TTN: variants seen among roughly 807,000 people sequenced by gnomAD.
TTN encodes the protein connectin.
Under a neutral mutation model 3,223.0 loss-of-function variants are expected in TTN, and 1,525 were observed. The observed-to-expected ratio is 0.47, with a 90% CI of 0.45 to 0.49. The LOEUF (loss-of-function observed/expected upper bound fraction) is 0.49. Ranked by LOEUF, TTN falls within the 20% of genes least tolerant of loss-of-function variation. The pLI is 0.00. For missense variants in TTN, 40,786 were observed against 43,424.0 expected (o/e 0.94, Z 5.40); for synonymous variants, 14,094 against 15,161.0 (o/e 0.93, Z 5.17).
In TTN at chr2:178,543,257, A is replaced by G; in HGVS notation, c.96716T>C (p.Leu32239Pro). Residue 32239 changes from leucine to proline, a missense_variant, in exon 347 of 363, where the codon CTC (leucine) becomes CCC (proline). Transcript: ENST00000589042. ...DGGSRLTGYVLEACKAGTERW... is the reference protein window; with the variant it reads ...DGGSRLTGYVPEACKAGTERW... ...CTCTGTGCCAGCTTTGCAGGCCTCG[A>G]GAACATATCCAGTGAGTCGGCTACC... 3.7e-6 allele frequency: 6 copies of G among 1,613,792 alleles called. No homozygotes were observed. The highest frequency in any genetic ancestry group is 5.1e-6 in the Non-Finnish European group (6 of 1,179,774).
In TTN at chr2:178,587,230, T is replaced by C. The variant is rs397517656; in HGVS notation, c.63981A>G (p.Val21327=). Residue 21327 remains valine, a synonymous_variant, in exon 307 of 363, where the codon GTA becomes GTG. Transcript: ENST00000589042. The part of the protein sequence containing the change: ...TPEVKKTSFH[V]TNLVPGNEYY... ...ACTCATTCCCAGGGACAAGATTGGT[T>C]ACATGGAAGCTTGTTTTCTTAACTT... 1.4e-4 allele frequency: 225 copies of C among 1,613,096 alleles called. 5 individuals are homozygous for C. In the South Asian group the frequency reaches 2.3e-3, roughly 16 times the overall value.
rs1445985420 is a variant in TTN at position 178,777,030 on chromosome 2, C to T, written c.4834G>A (p.Glu1612Lys). The change falls in exon 28 of 363, where the codon GAA (glutamate) becomes AAA (lysine). Residue 1612 changes from glutamate to lysine, a missense_variant. Transcript: ENST00000589042. Reference sequence around the variant, plus strand: ...GTGGAATCGATTTTAAGGGCAGCTTCTCCCTTGGTTCCTTCAATTCTATAA... The same window carrying T: ...GTGGAATCGATTTTAAGGGCAGCTTTTCCCTTGGTTCCTTCAATTCTATAA... ...PKIRIEGTKG[E>K]AALKIDSTVS... 1.1e-5 allele frequency: 17 copies of T among 1,613,900 alleles called. 1 individual carries two copies. The Admixed American group carries it at 2.8e-4, about 27-fold the overall frequency.
Position 178,534,381 on chromosome 2 carries a change from T to A in TTN, c.102234A>T (p.Glu34078Asp), listed in dbSNP as rs1043486033. 1.2e-6 allele frequency: 2 copies of A among 1,610,704 alleles called. No individual in the cohort carries two copies. The highest frequency in any genetic ancestry group is 1.7e-6 in the Non-Finnish European group (2 of 1,179,798). Reference sequence around the variant, plus strand: ...TTCTGATAACTTTAGTACTGACTCTTTCTATCTTCTGCTTCAACCATGGGT... The same window carrying A: ...TTCTGATAACTTTAGTACTGACTCTATCTATCTTCTGCTTCAACCATGGGT... ...LQHPWLKQKIERVSTKVIRTL... is the reference protein window; with the variant it reads ...LQHPWLKQKIDRVSTKVIRTL... The change falls in exon 358 of 363, where the codon GAA (glutamate) becomes GAT (aspartate). Residue 34078 changes from glutamate to aspartate, a missense_variant. Glu to Asp is a conservative substitution (Grantham distance 45, BLOSUM62 2). Coordinates refer to ENST00000589042, the MANE Select transcript of TTN (RefSeq NM_001267550.2).
intron 46 of TTN, chr2:178,753,573 CA>C: frequency 6.0e-6 from 1 of 166,754 alleles, no homozygotes; most frequent in Non-Finnish European, 1.3e-5. Context: ...GCTACTTTAG[CA>C]GAGGGCTATT....
At position 178,633,251 on chromosome 2, in the gene TTN, T is replaced by C. The variant is rs1307501867; in HGVS notation, c.43022A>G (p.Glu14341Gly). The change falls in exon 233 of 363, where the codon GAA becomes GGA. Residue 14341 changes from glutamate to glycine, a missense_variant. Physicochemically the swap from Glu to Gly is moderately conservative, Grantham distance 98. Coordinates refer to ENST00000589042, the MANE Select transcript of TTN (RefSeq NM_001267550.2). ...FVGETAHFEIELSEPDVHGQW... is the reference protein window; with the variant it reads ...FVGETAHFEIGLSEPDVHGQW... ...GCCGTGAACATCAGGTTCAGAAAGTTCAATTTCAAAGTGGGCTGTTTCACC... is the reference window on the plus strand; with the variant it reads ...GCCGTGAACATCAGGTTCAGAAAGTCCAATTTCAAAGTGGGCTGTTTCACC... 6.2e-7 allele frequency: 1 copy of C among 1,613,314 alleles called. No individual in the cohort carries two copies.
chr2:178,599,252 G>A lies in TTN; in HGVS notation c.56541C>T (p.Pro18847=). Residue 18847 remains proline, a synonymous_variant, in exon 290 of 363, where the codon CCC becomes CCT. Transcript: ENST00000589042. ...CATATTCATGGCCTTCTAGCAATTT[G>A]GGAATCGTGTACGTGCACTCCTTAG... ...SEPKECTYTI[P]KLLEGHEYVF... 6.4e-7 allele frequency: 1 copy of A among 1,561,712 alleles called. No individual in the cohort carries two copies.
chr2:178,619,179 G>A (rs971999038), intron 250 of TTN: 24 of 378,572 alleles, frequency 6.3e-5, no homozygotes, highest in Admixed American at 5.4e-4. Flanking sequence ...TGCATACTTA[G>A]TTCAATAAAT....
At chr2:178,622,855 C>CT (rs1161940850) in intron 242 of TTN, 88 bp from the exon 243 acceptor site, 4 of 1,020,434 alleles carry the variant, frequency 3.9e-6, no homozygotes, top group East Asian at 5.3e-5. Flanking sequence ...AAAAGTGACT[C>CT]TTTTTTAGGG....
chr2:178,601,331 C>T lies in TTN; in HGVS notation c.55666G>A (p.Glu18556Lys). The T allele has an allele frequency of 1.2e-6, 2 of 1,609,122 alleles. No individual in the cohort carries two copies. The highest frequency in any genetic ancestry group is 1.7e-6 in the Non-Finnish European group (2 of 1,176,880). The change falls in exon 287 of 363, where the codon GAA (glutamate) becomes AAA (lysine). Residue 18556 changes from glutamate to lysine, a missense_variant. Coordinates refer to ENST00000589042, the MANE Select transcript of TTN (RefSeq NM_001267550.2). ...GGTGGGCCAATACCAAAACGGTTTT[C>T]TGCTCGCACACGGAAGAAATATTGC... is the stretch of plus-strand genomic sequence containing the variant. Reference protein sequence around the residue: ...EQQYFFRVRAENRFGIGPPVE... With the variant: ...EQQYFFRVRAKNRFGIGPPVE...
Position 178,566,845 on chromosome 2 carries a change from A to C in TTN, c.79287T>G (p.Ser26429Arg). ...TATTACATTTTATCCATCGAATGCC[A>C]CTTCTGTCTCTTTTCTCTACAATGT... ...IGYIVEKRDR[S>R]GIRWIKCNKR... The change falls in exon 326 of 363, where the codon AGT becomes AGG. Residue 26429 changes from serine to arginine, a missense_variant. By Grantham distance (110) the Ser-to-Arg change is moderately radical. Transcript: ENST00000589042. 6.2e-7 allele frequency: 1 copy of C among 1,613,412 alleles called. No individual in the cohort carries two copies. The highest frequency in any genetic ancestry group is 1.1e-5 in the South Asian group (1 of 91,080).
intron 126 of TTN, 85 bp downstream of exon 126, chr2:178,688,591 TA>T: frequency 2.1e-6 from 2 of 957,442 alleles, no homozygotes; most frequent in Non-Finnish European, 3.4e-6. Flanking sequence ...GGACATGTTC[TA>T]AAGTAAACAA....
rs943321083 is a variant in TTN, at chr2:178,576,649, A to G, written c.69595T>C (p.Cys23199Arg). 1.9e-6 allele frequency: 3 copies of G among 1,613,396 alleles called. No homozygotes were observed. The African/African-American group carries it at 4.0e-5, about 22-fold the overall frequency. The stretch of plus-strand genomic sequence containing the variant: ...CCTTCTTGCAGTCCTGTTACTTTGC[A>G]CCTGAGATCGGAAACTGGTGTTTTT... ...AIKTPVSDLR[C>R]KVTGLQEGST... Residue 23199 changes from cysteine to arginine, a missense_variant, in exon 325 of 363, where the codon TGC becomes CGC. Cys to Arg is a radical substitution (Grantham distance 180, BLOSUM62 -3). Transcript: ENST00000589042. This position sits in a 1 kb window ranked among gnomAD's most constrained non-coding sequence, Gnocchi z 4.3.
chr2:178,568,591 G>A lies in TTN; in HGVS notation c.77541C>T (p.Thr25847=), dbSNP rs556181023. Residue 25847 remains threonine (T), a synonymous_variant, in exon 326 of 363, where the codon ACC becomes ACT. Coordinates refer to ENST00000589042, the MANE Select transcript of TTN (RefSeq NM_001267550.2). Reference sequence around the variant, plus strand: ...TGAGTGTGGTGAGATCCAGTGAATCGGTAACATTGATTCTTGTGGTCTGCT... The same window carrying A: ...TGAGTGTGGTGAGATCCAGTGAATCAGTAACATTGATTCTTGTGGTCTGCT... The part of the protein sequence containing the change: ...PLKQTTRINV[T]DSLDLTTLSI... 1.8e-5 allele frequency: 29 copies of A among 1,613,362 alleles called. No homozygotes were observed. Among genetic ancestry groups the A allele is most frequent in the Middle Eastern group, 1.7e-4 (1 of 6,052 alleles).
chr2:178,717,218 A>C lies in TTN; in HGVS notation c.25516T>G (p.Leu8506Val). ...IRPGGNYKMT[L>V]VENTATLTVL... ...GTCAGAGTGGCAGTATTTTCTACCA[A>C]AGTCATCTTGTAGTTGCCTCCAGGG... The change falls in exon 88 of 363, where the codon TTG becomes GTG. Residue 8506 changes from leucine (L) to valine (V), a missense_variant. Coordinates refer to ENST00000589042, the MANE Select transcript of TTN (RefSeq NM_001267550.2). The C allele has an allele frequency of 6.2e-7, 1 of 1,613,540 alleles. No homozygotes were observed. Among genetic ancestry groups the C allele is most frequent in the Non-Finnish European group, 8.5e-7 (1 of 1,179,628 alleles).
chr2:178,566,690 G>T lies in TTN; in HGVS notation c.79442C>A (p.Ala26481Asp). ...GCCAGGTTTGAACACAGGATCACAGGCTTTATAATAAACTGTAGCTGGACT... is the reference window on the plus strand; with the variant it reads ...GCCAGGTTTGAACACAGGATCACAGTCTTTATAATAAACTGTAGCTGGACT... ...EPSPATVYYK[A>D]CDPVFKPGPP... Residue 26481 changes from alanine (A) to aspartate (D), a missense_variant, in exon 326 of 363, where the codon GCC becomes GAC. Coordinates refer to ENST00000589042, the MANE Select transcript of TTN (RefSeq NM_001267550.2). 1 of 1,613,286 alleles carries T rather than the reference G, an allele frequency of 6.2e-7. No homozygotes were observed. The highest frequency in any genetic ancestry group is 8.5e-7 in the Non-Finnish European group (1 of 1,179,674).
In TTN at chr2:178,612,130, C is replaced by T. The variant is rs769565595; in HGVS notation, c.50281G>A (p.Val16761Ile). ...TCAACATGTCGTTTTGTCACATCAA[C>T]CACTGCCAGGGCGTAGGGTGGTCCA... ...TPGPPYALAVVDVTKRHVDLK... is the reference protein window; with the variant it reads ...TPGPPYALAVIDVTKRHVDLK... The change falls in exon 267 of 363, where the codon GTT becomes ATT. Residue 16761 changes from valine to isoleucine, a missense_variant. By Grantham distance (29) the Val-to-Ile change is conservative (BLOSUM62 3). Transcript: ENST00000589042. 1 of 1,611,882 alleles carries T rather than the reference C, an allele frequency of 6.2e-7. No homozygotes were observed. Among genetic ancestry groups the T allele is most frequent in the Non-Finnish European group, 8.5e-7 (1 of 1,178,918 alleles).
At position 178,769,953 on chromosome 2, in the gene TTN, AAG is replaced by A; in HGVS notation, c.8642-16_8642-15del. 4 of 1,614,162 alleles carry A rather than the reference AAG, an allele frequency of 2.5e-6. No individual in the cohort carries two copies. The highest frequency in any genetic ancestry group is 3.4e-6 in the Non-Finnish European group (4 of 1,180,022). Reference sequence around the variant, plus strand: ...TAATATGTAATGCTTGGTAAAATCAAAGAGCACTTCAGTTAATACAATTTGTT... The same window carrying A: ...TAATATGTAATGCTTGGTAAAATCAAAGCACTTCAGTTAATACAATTTGTT... On this transcript the variant is annotated splice_polypyrimidine_tract_variant and intron_variant, in intron 36 of 362. Coordinates refer to ENST00000589042, the MANE Select transcript of TTN (RefSeq NM_001267550.2).
At position 178,634,529 on chromosome 2, in the gene TTN, T is replaced by C. The variant is rs1163597313; in HGVS notation, c.42252A>G (p.Ile14084Met). 4.3e-6 allele frequency: 7 copies of C among 1,613,278 alleles called. No individual in the cohort carries two copies. The highest frequency in any genetic ancestry group is 3.3e-5 in the Admixed American group (2 of 59,970). The change falls in exon 230 of 363, where the codon ATA becomes ATG. Residue 14084 changes from isoleucine to methionine, a missense_variant. Physicochemically the swap from Ile to Met is conservative, Grantham distance 10 (BLOSUM62 1). Transcript: ENST00000589042. This position sits in a 1 kb window ranked among gnomAD's most constrained non-coding sequence, Gnocchi z 4.6. ...TAATTATATCAGGTCCTTTGGACCA[T>C]ATAACATTTGCCTCTCGGGTGAGGA... ...ECVLTREANV[I>M]WSKGPDIIKS... is the part of the protein sequence containing the mutation.
rs748303934 is a variant in TTN at position 178,782,815 on chromosome 2, C to A, written c.3091G>T (p.Ala1031Ser). 1 of 1,612,920 alleles carries A rather than the reference C, an allele frequency of 6.2e-7. No individual in the cohort carries two copies. Among genetic ancestry groups the A allele is most frequent in the Non-Finnish European group, 8.5e-7 (1 of 1,179,834 alleles). ...AGTVSTSCYL[A>S]VQVSEEFEKE... Reference sequence around the variant, plus strand: ...GAGGGTGGCCACTAACCCTGCACAGCCAGATAGCAGGATGTGCTGACGGTT... The same window carrying A: ...GAGGGTGGCCACTAACCCTGCACAGACAGATAGCAGGATGTGCTGACGGTT... Residue 1031 changes from alanine to serine, a missense_variant, in exon 18 of 363, where the codon GCT (alanine) becomes TCT (serine). Ala to Ser is a moderately conservative substitution (Grantham distance 99). Transcript: ENST00000589042.
Sources: gnomAD v4.1 joint callset for allele counts on GRCh38, gnomAD v4.1.1 for gene constraint, Gnocchi (gnomAD v3.1) non-coding constraint, MANE v1.5 for transcripts, NCBI Gene and HGNC (gene_info 2026-07-23, HGNC 2026-07-21) for gene names.